The following KCNV2 variants were observed in gnomAD, a reference collection of about 807,000 sequenced individuals.
KCNV2 encodes potassium voltage-gated channel modifier subfamily V member 2.
Under a neutral mutation model 37.0 loss-of-function variants are expected in KCNV2, and 65 were observed. That is an observed-to-expected ratio of 1.76 (90% CI 1.44 to 2.16). The LOEUF is 2.16. Ranked by LOEUF, KCNV2 falls within the 30% of genes most tolerant of loss-of-function variation. KCNV2 has a pLI of 0.00. For missense variants in KCNV2, 1,232 were observed against 766.7 expected, an observed-to-expected ratio of 1.61 and a Z score of -7.17; for synonymous variants, 518 against 328.6, an observed-to-expected ratio of 1.58 and a Z score of -6.23.
intron 1 of KCNV2, among the ~76,000 whole-genome samples, chr9:2,727,427 T>A (rs1322497739): frequency 6.6e-6 from 1 of 151,734 alleles, no homozygotes; most frequent in East Asian, 1.9e-4. Context: ...AGAACTTAAA[T>A]AAAAAAAAGA....
intron 1 of KCNV2, among the ~76,000 whole-genome samples, chr9:2,720,155 G>A (rs1019118760): frequency 2.2e-4 from 34 of 152,204 alleles, no homozygotes; most frequent in African/African-American, 7.7e-4. Flanking sequence ...TCAACATTGT[G>A]TATGTCATAA....
At chr9:2,724,622 G>T (rs1316649465) in intron 1 of KCNV2, among the ~76,000 whole-genome samples, 2 of 152,196 alleles carry the variant, frequency 1.3e-5, no homozygotes, top group African/African-American at 4.8e-5. Flanking sequence ...GCTGTTGCAA[G>T]GACTCCTAAA....
intron 1 of KCNV2, among the ~76,000 whole-genome samples, chr9:2,726,847 T>C (rs140147577): frequency 6.6e-6 from 1 of 152,010 alleles, no homozygotes; most frequent in Non-Finnish European, 1.5e-5. Flanking sequence ...CTCATAGGAG[T>C]GGGAACCCTA....
chr9:2,719,099 A>T lies in KCNV2; in HGVS notation c.1356+4A>T, dbSNP rs2130862121. ...CCACTCCTGGTGGTGGGCCGCGGTG[A>T]GTACCTTTGCCCTGGGCTTTCCCAT... is the stretch of plus-strand genomic sequence containing the variant. On this transcript the variant is annotated splice_donor_region_variant and intron_variant, in intron 1 of 1. Transcript: ENST00000382082. The T allele has an allele frequency of 6.2e-7, 1 of 1,607,752 alleles. No individual in the cohort carries two copies.
rs765119911 is a variant in KCNV2, at chr9:2,718,918, C to G, written c.1179C>G (p.His393Gln). 1.2e-4 allele frequency: 194 copies of G among 1,609,076 alleles called. No homozygotes were observed. Among genetic ancestry groups the G allele is most frequent in the Non-Finnish European group, 1.6e-4 (183 of 1,180,014 alleles). ...RIFRILKLAR[H>Q]STGLRAFGFT... Reference sequence around the variant, plus strand: ...TCCGCATCCTCAAGCTGGCGCGCCACTCCACCGGACTGCGTGCCTTCGGCT... The same window carrying G: ...TCCGCATCCTCAAGCTGGCGCGCCAGTCCACCGGACTGCGTGCCTTCGGCT... The change falls in exon 1 of 2, where the codon CAC becomes CAG. Residue 393 changes from histidine to glutamine, a missense_variant. His to Gln is a conservative substitution (Grantham distance 24). Coordinates refer to ENST00000382082, the MANE Select transcript of KCNV2 (RefSeq NM_133497.4).
chr9:2,724,989 T>A (rs369744100), intron 1 of KCNV2, among the ~76,000 whole-genome samples: 43 of 152,350 alleles, frequency 2.8e-4, no homozygotes, highest in African/African-American at 9.9e-4. Context: ...GCATTGTTAC[T>A]ACTTTTTATC....
chr9:2,722,189 TAG>T (rs1248497527), intron 1 of KCNV2, among the ~76,000 whole-genome samples: 1 of 142,060 alleles, frequency 7.0e-6, no homozygotes, highest in Non-Finnish European at 1.5e-5. Flanking sequence ...ATAAATAAAA[TAG>T]AAGTTATTTA....
At chr9:2,721,392 T>G (rs1398854262) in intron 1 of KCNV2, among the ~76,000 whole-genome samples, 2 of 152,184 alleles carry the variant, frequency 1.3e-5, no homozygotes, top group Admixed American at 1.3e-4. Context: ...ATTAATCCAG[T>G]TCTTCTCTGT....
In KCNV2 at chr9:2,718,561, G is replaced by T. The variant is rs149605734; in HGVS notation, c.822G>T (p.Val274=). 1 of 1,612,502 alleles carries T rather than the reference G, an allele frequency of 6.2e-7. No homozygotes were observed. ...VASSTFVLVS[V]VALALNTVEE... ...CCAGCACCTTCGTGCTCGTCTCCGT[G>T]GTGGCGCTGGCGCTCAACACCGTGG... Residue 274 remains valine (V), a synonymous_variant, in exon 1 of 2, where the codon GTG becomes GTT. Transcript: ENST00000382082.
At chr9:2,729,083 G>T (rs1820019025) in intron 1 of KCNV2, among the ~76,000 whole-genome samples, 1 of 152,076 alleles carries the variant, frequency 6.6e-6, no homozygotes, top group African/African-American at 2.4e-5. Context: ...GAGTTAGGGA[G>T]GCAAAGATCA....
intron 1 of KCNV2, among the ~76,000 whole-genome samples, chr9:2,722,041 T>A (rs1404785683): frequency 6.9e-6 from 1 of 145,198 alleles, no homozygotes; most frequent in Non-Finnish European, 1.5e-5. Context: ...TAGAAGTTAT[T>A]TATTTATAAA....
chr9:2,724,643 G>A (rs1026033355), intron 1 of KCNV2, among the ~76,000 whole-genome samples: 1 of 152,234 alleles, frequency 6.6e-6, no homozygotes, highest in Non-Finnish European at 1.5e-5. Context: ...TTGGCACCAT[G>A]AGGCTGATGC....
intron 1 of KCNV2, among the ~76,000 whole-genome samples, chr9:2,728,781 C>A (rs1452240297): frequency 1.3e-5 from 2 of 151,614 alleles, no homozygotes; most frequent in East Asian, 3.9e-4. Context: ...GAGTTTCATG[C>A]CTTTTGTATG....
chr9:2,718,174 G>A lies in KCNV2; in HGVS notation c.435G>A (p.Gln145=). 6.2e-7 allele frequency: 1 copy of A among 1,613,200 alleles called. No homozygotes were observed. Among genetic ancestry groups the A allele is most frequent in the Non-Finnish European group, 8.5e-7 (1 of 1,179,728 alleles). ...QLSLCDDYEE[Q]TDEYFFDRDP... is the part of the protein sequence containing the mutation. ...GCCTGTGCGACGACTACGAGGAGCA[G>A]ACAGACGAATACTTCTTCGACCGCG... is the stretch of plus-strand genomic sequence containing the variant. Residue 145 remains glutamine (Q), a synonymous_variant, in exon 1 of 2, where the codon CAG becomes CAA. Transcript: ENST00000382082.
rs769005041 is a variant in KCNV2, at chr9:2,718,483, C to T, written c.744C>T (p.Asn248=). The change falls in exon 1 of 2, where the codon AAC becomes AAT. Residue 248 remains asparagine, a synonymous_variant. Coordinates refer to ENST00000382082, the MANE Select transcript of KCNV2 (RefSeq NM_133497.4). ...GCCCGCAGCGGCGCCGCCTCTGGAA[C>T]CTCATGGAGAAGCCATTCTCCTCGG... The part of the protein sequence containing the change: ...FYGPQRRRLW[N]LMEKPFSSVA... 2 of 1,610,642 alleles carry T rather than the reference C, an allele frequency of 1.2e-6. No homozygotes were observed. The highest frequency in any genetic ancestry group is 8.5e-7 in the Non-Finnish European group (1 of 1,179,174).
At chr9:2,721,199 C>T (rs569265270) in intron 1 of KCNV2, among the ~76,000 whole-genome samples, 1 of 152,286 alleles carries the variant, frequency 6.6e-6, no homozygotes, top group East Asian at 1.9e-4. Context: ...ATTTACAAAC[C>T]TTACCCTTTA....
chr9:2,720,656 A>G (rs1819849833), intron 1 of KCNV2: 1 of 152,240 alleles, frequency 6.6e-6, no homozygotes, highest in African/African-American at 2.4e-5. Flanking sequence ...TGCTGATGAT[A>G]TGATACAACA....
At chr9:2,719,566 T>G (rs994125407) in intron 1 of KCNV2, among the ~76,000 whole-genome samples, 3 of 152,166 alleles carry the variant, frequency 2.0e-5, no homozygotes, top group Non-Finnish European at 4.4e-5. Context: ...CTGAACCATG[T>G]TGACTCTAAC....
At chr9:2,722,709 C>G (rs898708487) in intron 1 of KCNV2, among the ~76,000 whole-genome samples, 1 of 151,772 alleles carries the variant, frequency 6.6e-6, no homozygotes, top group African/African-American at 2.4e-5. Context: ...AAACATCAAG[C>G]GTTTATTTAG....
Sources: allele counts gnomAD v4.1 joint callset (sites outside exome capture counted in the v4.1 genomes callset), GRCh38; gene constraint gnomAD v4.1.1; transcripts MANE v1.5; gene names NCBI Gene and HGNC (gene_info 2026-07-23, HGNC 2026-07-21).